The following NBEA variants were observed in gnomAD, a reference collection of about 807,000 sequenced individuals.
NBEA encodes the protein neurobeachin.
NBEA carries 44 observed loss-of-function variants against 343.4 expected under a neutral mutation model. The observed-to-expected ratio is 0.13, with a 90% CI of 0.10 to 0.16. The LOEUF (loss-of-function observed/expected upper bound fraction) is 0.16, where lower values mean the gene tolerates loss of function less well. NBEA is among the 10% of genes least tolerant of loss of function. NBEA has a pLI of 1.00. For synonymous variants in NBEA, 1,175 were observed against 1,238.7 expected (o/e 0.95, Z 1.08); for missense variants, 2,555 against 3,631.3 (o/e 0.70, Z 7.62).
chr13:34,972,003 G>T (rs2060012495), intron 1 of NBEA, among the ~76,000 whole-genome samples: 1 of 151,862 alleles, frequency 6.6e-6, no homozygotes, highest in African/African-American at 2.4e-5. Context: ...GGCTATTACT[G>T]CCTCAATTTC....
Position 35,232,941 on chromosome 13 carries a change from C to T in NBEA, c.5776+322C>T, listed in dbSNP as rs1054509647. Among the ~76,000 whole-genome samples, 5 of 152,064 alleles carry T rather than the reference C, an allele frequency of 3.3e-5. No homozygotes were observed. The East Asian group carries it at 7.7e-4, about 23-fold the overall frequency. ...TAACCTGTTTATTAAGCAGTGATCTCTGAAATTTCCTTCTGACTCTGAGAG... is the reference window on the plus strand; with the variant it reads ...TAACCTGTTTATTAAGCAGTGATCTTTGAAATTTCCTTCTGACTCTGAGAG... On this transcript the variant is annotated intron_variant, in intron 34 of 58. Transcript: ENST00000379939.
chr13:35,651,664 A>G (rs2084528559), intron 52 of NBEA, 141 bp from the exon 53 acceptor site: 1 of 640,458 alleles, frequency 1.6e-6, no homozygotes, highest in Non-Finnish European at 2.8e-6. Flanking sequence ...GTCTACAGAG[A>G]CACATAGTAT....
intron 38 of NBEA, among the ~76,000 whole-genome samples, chr13:35,398,304 C>G (rs1185335572): frequency 6.6e-6 from 1 of 152,126 alleles, no homozygotes; most frequent in East Asian, 1.9e-4. Context: ...TTGAAATTAG[C>G]TTCTCCCAAA....
chr13:35,052,920 T>C (rs2063117011), intron 6 of NBEA, among the ~76,000 whole-genome samples: 1 of 152,078 alleles, frequency 6.6e-6, no homozygotes, highest in East Asian at 1.9e-4. Flanking sequence ...AATGGTACCC[T>C]TACCCATCTA....
chr13:35,380,416 G>A (rs1373579108), intron 38 of NBEA, among the ~76,000 whole-genome samples: 1 of 152,052 alleles, frequency 6.6e-6, no homozygotes, highest in Non-Finnish European at 1.5e-5. Context: ...CTGCACTCCA[G>A]CCTGGGCAAG....
chr13:35,246,840 G>T (rs1012770007), intron 34 of NBEA, among the ~76,000 whole-genome samples: 1 of 152,062 alleles, frequency 6.6e-6, no homozygotes, highest in Non-Finnish European at 1.5e-5. Context: ...GGATGGGCAG[G>T]GCCCTAGATC....
intron 38 of NBEA, among the ~76,000 whole-genome samples, chr13:35,361,033 T>A (rs1307409582): frequency 6.6e-6 from 1 of 151,924 alleles, no homozygotes; most frequent in Non-Finnish European, 1.5e-5. Flanking sequence ...AATACAATTA[T>A]CCAATTAAGG....
intron 36 of NBEA, among the ~76,000 whole-genome samples, chr13:35,310,630 A>G (rs2037297963): frequency 6.6e-6 from 1 of 152,246 alleles, no homozygotes; most frequent in Non-Finnish European, 1.5e-5. Context: ...ACATTAAAAC[A>G]GACGTAGCTG....
chr13:35,636,349 C>A (rs1196639651), intron 49 of NBEA, among the ~76,000 whole-genome samples: 2 of 151,998 alleles, frequency 1.3e-5, no homozygotes, highest in Non-Finnish European at 2.9e-5. Flanking sequence ...TTACTGTTGC[C>A]CATTTATGTC....
In NBEA at chr13:35,196,190, G is replaced by A. The variant is rs775385425; in HGVS notation, c.5254G>A (p.Ala1752Thr). 1.2e-6 allele frequency: 2 copies of A among 1,613,494 alleles called. No individual in the cohort carries two copies. The highest frequency in any genetic ancestry group is 2.2e-5 in the East Asian group (1 of 44,770). Residue 1752 changes from alanine (A) to threonine (T), a missense_variant, in exon 31 of 59, where the codon GCT becomes ACT. By Grantham distance (58) the Ala-to-Thr change is moderately conservative (BLOSUM62 0). Coordinates refer to ENST00000379939, the MANE Select transcript of NBEA (RefSeq NM_001385012.1). Reference sequence around the variant, plus strand: ...GAAGGAAATACTGAAAAGTCTTGTGGCTGCTCCAGTTGAAATAGCAGAATG... The same window carrying A: ...GAAGGAAATACTGAAAAGTCTTGTGACTGCTCCAGTTGAAATAGCAGAATG... The part of the protein sequence containing the change: ...NVKEILKSLV[A>T]APVEIAECGP...
intron 10 of NBEA, among the ~76,000 whole-genome samples, chr13:35,086,636 C>G (rs571309418): frequency 6.6e-6 from 1 of 152,024 alleles, no homozygotes; most frequent in South Asian, 2.1e-4. Flanking sequence ...GCGTGTATCA[C>G]TTTGATATAC....
intron 18 of NBEA, among the ~76,000 whole-genome samples, chr13:35,147,337 T>A (rs2068495621): frequency 6.6e-6 from 1 of 152,180 alleles, no homozygotes; most frequent in Admixed American, 6.5e-5. Flanking sequence ...TTAACTCAAA[T>A]GAGAGTGAGA....
chr13:35,516,594 C>G (rs1205310057), intron 41 of NBEA, among the ~76,000 whole-genome samples: 3 of 152,168 alleles, frequency 2.0e-5, no homozygotes, highest in Non-Finnish European at 2.9e-5. Context: ...CTCATCCAAT[C>G]TACATTCCAT....
chr13:35,379,388 T>G (rs947981820), intron 38 of NBEA, among the ~76,000 whole-genome samples: 2 of 152,182 alleles, frequency 1.3e-5, no homozygotes, highest in African/African-American at 4.8e-5. Context: ...TGGTCCATTG[T>G]TCTATTGGAT....
chr13:35,539,375 C>T (rs1235122738), intron 41 of NBEA, among the ~76,000 whole-genome samples: 1 of 152,068 alleles, frequency 6.6e-6, no homozygotes, highest in Non-Finnish European at 1.5e-5. Context: ...TGTGACAGAA[C>T]ACGGCACACT....
intron 41 of NBEA, among the ~76,000 whole-genome samples, chr13:35,496,688 GTTT>G (rs571586279): frequency 2.6e-5 from 4 of 151,452 alleles, no homozygotes; most frequent in African/African-American, 9.7e-5. Context: ...TCAAACAGTG[GTTT>G]TTAATAGCTG....
intron 11 of NBEA, among the ~76,000 whole-genome samples, chr13:35,104,964 G>T (rs981417621): frequency 2.6e-5 from 4 of 151,916 alleles, no homozygotes; most frequent in Non-Finnish European, 5.9e-5. Context: ...TATATTCTTG[G>T]CAGGGAACAG....
intron 33 of NBEA, among the ~76,000 whole-genome samples, chr13:35,225,629 T>C (rs1451866986): frequency 6.6e-6 from 1 of 152,150 alleles, no homozygotes; most frequent in African/African-American, 2.4e-5. Flanking sequence ...TCTATAGCTC[T>C]GGGGGTTTTA....
At chr13:35,669,929 C>G (rs148981708) in intron 58 of NBEA, among the ~76,000 whole-genome samples, 140 of 151,872 alleles carry the variant, frequency 9.2e-4, no homozygotes, top group African/African-American at 3.3e-3. Flanking sequence ...CAGGCATGAA[C>G]AGACAGGGTG....
Sources: gnomAD v4.1 joint callset for allele counts (sites outside exome capture counted in the v4.1 genomes callset) on GRCh38, gnomAD v4.1.1 for gene constraint, MANE v1.5 for transcripts, NCBI Gene and HGNC (gene_info 2026-07-23, HGNC 2026-07-21) for gene names.